Variants in PARD3B observed in about 807,000 individuals in gnomAD.
The protein encoded by PARD3B is par-3 family cell polarity regulator beta, also known as partitioning defective 3 homolog B.
PARD3B carries 103 observed loss-of-function variants against 130.2 expected under a neutral mutation model. That is an observed-to-expected ratio of 0.79 (90% CI 0.67 to 0.93). The LOEUF (loss-of-function observed/expected upper bound fraction) is 0.93. Among genes scored for constraint, PARD3B ranks in the 40% least tolerant of loss-of-function variants. The pLI, the probability that PARD3B is intolerant of heterozygous loss-of-function variation, is 0.00. For synonymous variants in PARD3B, 583 were observed against 553.2 expected (o/e 1.05, Z -0.76); for missense variants, 1,609 against 1,499.2 (o/e 1.07, Z -1.21).
chr2:205,284,926 A>G (rs1392722716), intron 16 of PARD3B, among the ~76,000 whole-genome samples: 1 of 152,092 alleles, frequency 6.6e-6, no homozygotes, highest in Non-Finnish European at 1.5e-5. Flanking sequence ...TTTTACCCAG[A>G]ACAAGGCAGG....
chr2:205,289,482 T>G (rs186182504), intron 16 of PARD3B, among the ~76,000 whole-genome samples: 1 of 152,352 alleles, frequency 6.6e-6, no homozygotes, highest in East Asian at 1.9e-4. Context: ...TCTATCATTA[T>G]CTCTGTTTTA....
chr2:205,306,279 T>G (rs1217189886), intron 18 of PARD3B, among the ~76,000 whole-genome samples: 3 of 152,222 alleles, frequency 2.0e-5, no homozygotes, highest in African/African-American at 7.2e-5. Context: ...AACCACTGTT[T>G]GTTGTAATTT....
intron 1 of PARD3B, among the ~76,000 whole-genome samples, chr2:204,603,466 C>G (rs1226468820): frequency 6.6e-6 from 1 of 151,984 alleles, no homozygotes; most frequent in Admixed American, 6.6e-5. Context: ...TAAAGTAATC[C>G]ACAAAGTCAG....
intron 21 of PARD3B, among the ~76,000 whole-genome samples, chr2:205,506,194 A>ATG (rs2050357879): frequency 6.6e-6 from 1 of 151,420 alleles, no homozygotes; most frequent in African/African-American, 2.4e-5. Context: ...TTAGCTGGGC[A>ATG]TGGTGGTGCA....
chr2:205,251,024 T>G (rs2039823850), intron 16 of PARD3B, among the ~76,000 whole-genome samples: 1 of 152,212 alleles, frequency 6.6e-6, no homozygotes, highest in African/African-American at 2.4e-5. Flanking sequence ...TGGTGGAGCT[T>G]ATGCTTTGGG....
chr2:204,995,294 A>G (rs1207244538), intron 3 of PARD3B, among the ~76,000 whole-genome samples: 8 of 151,394 alleles, frequency 5.3e-5, no homozygotes, highest in African/African-American at 1.9e-4. Flanking sequence ...AAAATCTCTC[A>G]GCATTTGCTT....
intron 6 of PARD3B, among the ~76,000 whole-genome samples, chr2:205,117,998 C>T (rs543860707): frequency 6.6e-6 from 1 of 150,862 alleles, no homozygotes; most frequent in Non-Finnish European, 1.5e-5. Context: ...CCTTCTCTTC[C>T]AACCCTCCTG....
At position 205,125,485 on chromosome 2, in the gene PARD3B, A is replaced by T; in HGVS notation, c.1306-124A>T. On this transcript the variant is annotated intron_variant, in intron 9 of 22. Transcript: ENST00000406610. The surrounding 1 kb of genome is among the most constrained non-coding windows in gnomAD (Gnocchi z 4.0). ...TTGGGTTTTGCCCATGTATTTAGTT[A>T]TCATCTTTTCAGAGCTTCCTCAAGT... The T allele has an allele frequency of 9.1e-7, 1 of 1,099,846 alleles. No individual in the cohort carries two copies. The highest frequency in any genetic ancestry group is 1.3e-6 in the Non-Finnish European group (1 of 772,744). The allele number at this position is 1,099,846 out of a possible 1,614,324, so 68.1% of individuals were successfully genotyped here.
At chr2:204,837,882 C>T (rs1241825154) in intron 2 of PARD3B, among the ~76,000 whole-genome samples, 1 of 152,124 alleles carries the variant, frequency 6.6e-6, no homozygotes, top group African/African-American at 2.4e-5. Flanking sequence ...CACTATTTGT[C>T]CTACCTAACT....
At chr2:204,996,439 C>T (rs2125258542) in intron 3 of PARD3B, among the ~76,000 whole-genome samples, 1 of 152,318 alleles carries the variant, frequency 6.6e-6, no homozygotes, top group South Asian at 2.1e-4. Context: ...TGTGCCGGTT[C>T]TCAGATCTCC....
At chr2:204,856,103 A>G (rs1170128644) in intron 2 of PARD3B, among the ~76,000 whole-genome samples, 1 of 152,168 alleles carries the variant, frequency 6.6e-6, no homozygotes, top group Non-Finnish European at 1.5e-5. Flanking sequence ...TAATTTTTAT[A>G]TCTTTTAGGA....
At chr2:205,381,336 A>G (rs1254799058) in intron 18 of PARD3B, among the ~76,000 whole-genome samples, 2 of 149,612 alleles carry the variant, frequency 1.3e-5, no homozygotes, top group Non-Finnish European at 3.0e-5. Context: ...CACAATGACA[A>G]CTGCTGCTCA....
intron 1 of PARD3B, among the ~76,000 whole-genome samples, chr2:204,663,287 A>G (rs535540904): frequency 3.3e-5 from 5 of 152,308 alleles, no homozygotes; most frequent in African/African-American, 1.2e-4. Flanking sequence ...CCTATGAGGT[A>G]TCCTGAGCTC....
chr2:204,712,367 C>A (rs1265925802), intron 2 of PARD3B, among the ~76,000 whole-genome samples: 1 of 152,070 alleles, frequency 6.6e-6, no homozygotes, highest in African/African-American at 2.4e-5. Flanking sequence ...AATCCCAGCA[C>A]TTTAGGAGAC....
rs2117298 is a variant in PARD3B at position 205,116,368 on chromosome 2, T to C, written c.681-2553T>C. Among the ~76,000 whole-genome samples, 46,824 of 151,920 alleles carry C rather than the reference T, an allele frequency of 0.31. 8,112 individuals carry two copies. Among genetic ancestry groups the C allele is most frequent in the Admixed American group, 0.46 (7,040 of 15,232 alleles). On this transcript the variant is annotated intron_variant, in intron 6 of 22. Transcript: ENST00000406610. The surrounding 1 kb of genome is among the most constrained non-coding windows in gnomAD (Gnocchi z 4.5). The stretch of plus-strand genomic sequence containing the variant: ...AGAAGAGATGTTCAAACCAAAATTC[T>C]AAGCTGGTAGAGTCACTGAGGCTGT...
chr2:204,712,831 C>A (rs1047077469), intron 2 of PARD3B, among the ~76,000 whole-genome samples: 1 of 152,044 alleles, frequency 6.6e-6, no homozygotes, highest in African/African-American at 2.4e-5. Flanking sequence ...TCCTCCCACC[C>A]CAATAAGTTT....
chr2:204,818,557 C>T (rs1168512565), intron 2 of PARD3B, among the ~76,000 whole-genome samples: 3 of 152,008 alleles, frequency 2.0e-5, no homozygotes, highest in African/African-American at 7.2e-5. Flanking sequence ...GTTTATGTGT[C>T]TCAAAATGTT....
intron 10 of PARD3B, among the ~76,000 whole-genome samples, chr2:205,156,750 A>T (rs1401539261): frequency 6.6e-6 from 1 of 152,190 alleles, no homozygotes; most frequent in Admixed American, 6.5e-5. Context: ...TCAGAAATGA[A>T]GTAGTCAATC....
intron 1 of PARD3B, among the ~76,000 whole-genome samples, chr2:204,554,387 C>A (rs1237856856): frequency 6.6e-6 from 1 of 152,016 alleles, no homozygotes; most frequent in African/African-American, 2.4e-5. Flanking sequence ...TCCCCAACTC[C>A]AAATCAAGTC....
Sources: gnomAD v4.1 joint callset for allele counts (sites outside exome capture counted in the v4.1 genomes callset) on GRCh38, gnomAD v4.1.1 for gene constraint, Gnocchi (gnomAD v3.1) non-coding constraint, MANE v1.5 for transcripts, NCBI Gene and HGNC (gene_info 2026-07-23, HGNC 2026-07-21) for gene names.